Variants in NOS3 observed in about 807,000 individuals in gnomAD.
NOS3 encodes NOS type III.
In NOS3, 98 loss-of-function variants were observed where a neutral mutation model predicts 144.9. The observed-to-expected ratio is 0.68, with a 90% CI of 0.57 to 0.80. The LOEUF is 0.80. Ranked by LOEUF, NOS3 falls within the 30% of genes least tolerant of loss-of-function variation. The pLI is 0.00. For synonymous variants in NOS3, 714 were observed against 702.4 expected (o/e 1.02, Z -0.26); for missense variants, 1,465 against 1,656.4 (o/e 0.88, Z 2.01).
chr7:151,012,562 A>G, intron 24 of NOS3, 90 bp downstream of exon 24: 10 of 1,456,546 alleles, frequency 6.9e-6, no homozygotes, highest in Non-Finnish European at 9.3e-6. Context: ...TAGGAAAGAG[A>G]GGGCAGGAAA....
At chr7:151,005,262 T>C (rs1239153140) in intron 14 of NOS3, among the ~76,000 whole-genome samples, 1 of 152,198 alleles carries the variant, frequency 6.6e-6, no homozygotes, top group African/African-American at 2.4e-5. Flanking sequence ...TGACAAAACA[T>C]TCAAAAATGA....
chr7:151,001,197 G>C (rs763048016), intron 10 of NOS3, 34 bp from the exon 11 acceptor site: 1 of 1,606,486 alleles, frequency 6.2e-7, no homozygotes, highest in East Asian at 2.2e-5. Flanking sequence ...CTGTGGGTCT[G>C]GTTTGAGCCT....
intron 23 of NOS3, chr7:151,011,874 C>G (rs911469544): frequency 2.4e-6 from 1 of 424,356 alleles, no homozygotes; most frequent in Non-Finnish European, 4.7e-6. Context: ...GTCCAGAAGT[C>G]TTGCCCGCTC....
In NOS3 at chr7:151,012,360, C is replaced by A. The variant is rs778683270; in HGVS notation, c.2994C>A (p.Ser998=). The part of the protein sequence containing the change: ...PVPCFIRGAP[S]FRLPPDPSLP... ...GTGTCTCTCCTGCCAGGGCTCCCTCCTTCCGGCTGCCACCCGATCCCAGCT... is the reference window on the plus strand; with the variant it reads ...GTGTCTCTCCTGCCAGGGCTCCCTCATTCCGGCTGCCACCCGATCCCAGCT... The change falls in exon 24 of 27, where the codon TCC becomes TCA. Residue 998 remains serine, a synonymous_variant. Transcript: ENST00000297494. 1 of 1,565,884 alleles carries A rather than the reference C, an allele frequency of 6.4e-7. No individual in the cohort carries two copies. The highest frequency in any genetic ancestry group is 8.7e-7 in the Non-Finnish European group (1 of 1,154,386).
chr7:150,994,995 A>G (rs1802339225), intron 2 of NOS3, among the ~76,000 whole-genome samples: 1 of 152,144 alleles, frequency 6.6e-6, no homozygotes. Context: ...TCAGGAGCTC[A>G]GCACCAGCAG....
At chr7:151,005,969 T>C (rs563769934) in intron 14 of NOS3, among the ~76,000 whole-genome samples, 1 of 152,196 alleles carries the variant, frequency 6.6e-6, no homozygotes, top group Non-Finnish European at 1.5e-5. Flanking sequence ...TTACAGTGAA[T>C]GATGATGGAG....
At chr7:151,013,461 C>T (rs1229035456) in intron 25 of NOS3, 82 bp downstream of exon 25, 1 of 1,497,548 alleles carries the variant, frequency 6.7e-7, no homozygotes, top group Non-Finnish European at 9.0e-7. Flanking sequence ...GGCACACCAA[C>T]CACGGCCCTC....
intron 15 of NOS3, 126 bp from the exon 16 acceptor site, chr7:151,006,763 C>T (rs952704346): frequency 6.2e-6 from 5 of 812,654 alleles, no homozygotes; most frequent in African/African-American, 3.4e-5. Context: ...CCCTCAGCCC[C>T]TCCCAAGGGC....
Position 150,999,063 on chromosome 7 carries a change from G to A in NOS3, c.934G>A (p.Glu312Lys), listed in dbSNP as rs2117111275. ...CCTTCTGCCCCCCGAGCTGGTCCTT[G>A]AGGTGCCCCTGGAGCACCCCACGTG... ...LFLLPPELVL[E>K]VPLEHPTLEW... Residue 312 changes from glutamate to lysine, a missense_variant, in exon 8 of 27, where the codon GAG becomes AAG. Transcript: ENST00000297494. The A allele has an allele frequency of 1.9e-6, 3 of 1,612,686 alleles. No individual in the cohort carries two copies. Among genetic ancestry groups the A allele is most frequent in the Non-Finnish European group, 2.5e-6 (3 of 1,179,948 alleles).
In NOS3 at chr7:150,995,318, A is replaced by G. The variant is rs768944148; in HGVS notation, c.270+4A>G. The G allele has an allele frequency of 1.9e-6, 3 of 1,599,870 alleles. No homozygotes were observed. The highest frequency in any genetic ancestry group is 2.2e-5 in the South Asian group (2 of 90,666). On this transcript the variant is annotated splice_donor_region_variant and intron_variant, in intron 3 of 26. Coordinates refer to ENST00000297494, the MANE Select transcript of NOS3 (RefSeq NM_000603.5). ...CCTCAGCGCCCAGGCGCAGCAGGTA[A>G]GGCCGGCATGCCCTGTCCCCATCGT...
intron 5 of NOS3, among the ~76,000 whole-genome samples, chr7:150,997,169 AGAAGTCTAGACCTGCTGCAGGGGTGAG>A (rs61722009): frequency 0.032 from 4,813 of 148,492 alleles, 554 homozygotes; most frequent in African/African-American, 0.054. Context: ...AGGAGGGGAA[AGAAGTCTAGACCTGCTGCAGGGGTGAG>A]GAAGTCTAGA....
chr7:151,001,315 G>A lies in NOS3; in HGVS notation c.1318G>A (p.Gly440Ser), dbSNP rs369543769. ...HLENEQKARG[G>S]CPADWAWIVP... The stretch of plus-strand genomic sequence containing the variant: ...GGAGAATGAGCAGAAGGCCAGGGGG[G>A]GCTGCCCTGCAGACTGGGCCTGGAT... Residue 440 changes from glycine to serine, a missense_variant, in exon 11 of 27, where the codon GGC (glycine) becomes AGC (serine). Around this residue, in one of 5 missense-constraint regions of NOS3, gnomAD observed 745 missense variants for 853.9 expected, o/e 0.87. Transcript: ENST00000297494. 5 of 1,613,640 alleles carry A rather than the reference G, an allele frequency of 3.1e-6. No individual in the cohort carries two copies. Among genetic ancestry groups the A allele is most frequent in the East Asian group, 2.2e-5 (1 of 44,884 alleles).
rs1164913701 is a variant in NOS3, at chr7:151,010,951, C to T, written c.2949C>T (p.Leu983=). Residue 983 remains leucine (L), a synonymous_variant, in exon 23 of 27, where the codon CTC becomes CTT. Coordinates refer to ENST00000297494, the MANE Select transcript of NOS3 (RefSeq NM_000603.5). The part of the protein sequence containing the change: ...YGVCSTWLSQ[L]KPGDPVPCFI... ...TCTGCTCCACGTGGCTAAGCCAGCTCAAGCCCGGAGACCCTGTGCCCTGCT... is the reference window on the plus strand; with the variant it reads ...TCTGCTCCACGTGGCTAAGCCAGCTTAAGCCCGGAGACCCTGTGCCCTGCT... 6.2e-7 allele frequency: 1 copy of T among 1,613,820 alleles called. No individual in the cohort carries two copies. The highest frequency in any genetic ancestry group is 8.5e-7 in the Non-Finnish European group (1 of 1,179,916).
In NOS3 at chr7:151,008,829, C is replaced by T. The variant is rs893899044; in HGVS notation, c.2113-101C>T. 3.7e-6 allele frequency: 5 copies of T among 1,352,832 alleles called. No homozygotes were observed. The South Asian group carries it at 6.5e-5, about 18-fold the overall frequency. 83.8% of individuals were successfully genotyped at this position (1,352,832 alleles called of 1,614,324 possible). A position where few individuals can be genotyped will look rare whatever the true frequency, so the allele number is the denominator to read the frequency against. ...GCGCCGGCCTCAGCCACTGGGGCTG[C>T]CAACCCCCCAGGAGCAAGACGCAGT... On this transcript the variant is annotated intron_variant, in intron 17 of 26. Transcript: ENST00000297494.
intron 8 of NOS3, 24 bp downstream of exon 8, chr7:150,999,109 G>T: frequency 6.2e-7 from 1 of 1,612,564 alleles, no homozygotes; most frequent in South Asian, 1.1e-5. Flanking sequence ...GGATTGACTG[G>T]GTGGGATGGA....
chr7:151,008,236 C>T (rs1795236134), intron 17 of NOS3, among the ~76,000 whole-genome samples: 1 of 151,910 alleles, frequency 6.6e-6, no homozygotes, highest in South Asian at 2.1e-4. Flanking sequence ...GAGGGAGGGG[C>T]CGAGGAAGGA....
In NOS3 at chr7:151,013,216, C is replaced by T. The variant is rs2117140199; in HGVS notation, c.3107-15C>T. On this transcript the variant is annotated splice_polypyrimidine_tract_variant and intron_variant, in intron 24 of 26. Transcript: ENST00000297494. Reference sequence around the variant, plus strand: ...CCCCGGAGAAGAGCCTTCCCAAGCGCGGGGTTGCTTGCAGGGCTGCAGCCC... The same window carrying T: ...CCCCGGAGAAGAGCCTTCCCAAGCGTGGGGTTGCTTGCAGGGCTGCAGCCC... The T allele has an allele frequency of 1.9e-6, 3 of 1,608,164 alleles. No individual in the cohort carries two copies. Among genetic ancestry groups the T allele is most frequent in the Non-Finnish European group, 2.5e-6 (3 of 1,176,646 alleles).
At chr7:151,011,200 A>G (rs1795297473) in intron 23 of NOS3, among the ~76,000 whole-genome samples, 1 of 152,102 alleles carries the variant, frequency 6.6e-6, no homozygotes, top group South Asian at 2.1e-4. Context: ...TATAGCTCCC[A>G]GAGCCAGAGC....
rs777660351 is a variant in NOS3 at position 151,007,128 on chromosome 7, G to A, written c.1964G>A (p.Arg655Gln). 16 of 1,613,898 alleles carry A rather than the reference G, an allele frequency of 9.9e-6. No individual in the cohort carries two copies. The highest frequency in any genetic ancestry group is 8.8e-5 in the South Asian group (8 of 91,090). The change falls in exon 17 of 27, where the codon CGG becomes CAG. Residue 655 changes from arginine (R) to glutamine (Q), a missense_variant. Arg to Gln is a conservative substitution (Grantham distance 43). Around this residue, in one of 5 missense-constraint regions of NOS3, gnomAD observed 745 missense variants for 853.9 expected, o/e 0.87. Coordinates refer to ENST00000297494, the MANE Select transcript of NOS3 (RefSeq NM_000603.5). ...LRFCVFGLGS[R>Q]AYPHFCAFAR... ...TTCTGTGTGTTCGGGCTCGGCTCCC[G>A]GGCATACCCCCACTTCTGCGCCTTT...
Sources: gnomAD v4.1 joint callset for allele counts (sites outside exome capture counted in the v4.1 genomes callset) on GRCh38, gnomAD v4.1.1 for gene constraint, gnomAD v4.1.1 regional missense constraint, MANE v1.5 for transcripts, NCBI Gene and HGNC (gene_info 2026-07-23, HGNC 2026-07-21) for gene names.